The following UNC5D variants were observed in gnomAD, a reference collection of about 807,000 sequenced individuals.
UNC5D encodes netrin receptor UNC5D.
UNC5D carries 39 observed loss-of-function variants against 105.4 expected under a neutral mutation model. That is an observed-to-expected ratio of 0.37 (90% CI 0.29 to 0.48). UNC5D has a LOEUF of 0.48. UNC5D is among the 20% of genes least tolerant of loss of function. UNC5D has a pLI of 0.98. For synonymous variants in UNC5D, 452 were observed against 450.4 expected, an observed-to-expected ratio of 1.00 and a Z score of -0.04; for missense variants, 991 against 1,202.4, an observed-to-expected ratio of 0.82 and a Z score of 2.60.
chr8:35,407,507 TTGTATGTATGTATGTATGTATGTATGTA>T (rs59074158), intron 1 of UNC5D, among the ~76,000 whole-genome samples: 9 of 150,802 alleles, frequency 6.0e-5, no homozygotes, highest in African/African-American at 2.2e-4. Context: ...AGGTTTTCAT[TTGTATGTATGTATGTATGTATGTATGTA>T]TGTATGTATG....
chr8:35,394,761 A>C (rs1803995357), intron 1 of UNC5D, among the ~76,000 whole-genome samples: 1 of 152,190 alleles, frequency 6.6e-6, no homozygotes. Flanking sequence ...CTTAAGGAAA[A>C]AGGAGAAGAG....
At chr8:35,416,273 G>T (rs1326108261) in intron 1 of UNC5D, among the ~76,000 whole-genome samples, 1 of 151,994 alleles carries the variant, frequency 6.6e-6, no homozygotes, top group Non-Finnish European at 1.5e-5. Context: ...TTGATTGATT[G>T]CTAACTAGAA....
chr8:35,620,816 C>T (rs1821318056), intron 4 of UNC5D, among the ~76,000 whole-genome samples: 1 of 152,150 alleles, frequency 6.6e-6, no homozygotes, highest in South Asian at 2.1e-4. Flanking sequence ...ATTGTGGATT[C>T]CTAAGGCAAT....
At chr8:35,338,402 G>T (rs570245447) in intron 1 of UNC5D, among the ~76,000 whole-genome samples, 1 of 151,732 alleles carries the variant, frequency 6.6e-6, no homozygotes, top group South Asian at 2.1e-4. Flanking sequence ...GTTTTTCTGG[G>T]GTGTGTGTGT....
chr8:35,465,644 C>T (rs1317170978), intron 1 of UNC5D, among the ~76,000 whole-genome samples: 1 of 152,144 alleles, frequency 6.6e-6, no homozygotes, highest in Non-Finnish European at 1.5e-5. Context: ...TTAATATTGT[C>T]TTCTTCCACT....
chr8:35,388,770 T>A (rs1467951389), intron 1 of UNC5D, among the ~76,000 whole-genome samples: 1 of 152,246 alleles, frequency 6.6e-6, no homozygotes, highest in Admixed American at 6.5e-5. Flanking sequence ...GTCATTTTCC[T>A]AAATAGTTGT....
chr8:35,687,592 T>G (rs1826100829), intron 7 of UNC5D, among the ~76,000 whole-genome samples: 2 of 152,134 alleles, frequency 1.3e-5, no homozygotes, highest in South Asian at 4.1e-4. Context: ...GATTACATTA[T>G]TACCATCACC....
intron 1 of UNC5D, among the ~76,000 whole-genome samples, chr8:35,413,953 T>C (rs1805369406): frequency 6.6e-6 from 1 of 152,068 alleles, no homozygotes; most frequent in African/African-American, 2.4e-5. Context: ...CTTGAGGGCT[T>C]TTAAAAAAGA....
intron 1 of UNC5D, among the ~76,000 whole-genome samples, chr8:35,441,482 G>A (rs1807394983): frequency 6.6e-6 from 1 of 151,766 alleles, no homozygotes; most frequent in South Asian, 2.1e-4. Context: ...GCCTTGGAAT[G>A]TACCCCCTGT....
intron 1 of UNC5D, among the ~76,000 whole-genome samples, chr8:35,361,989 G>T (rs28428555): frequency 1.3e-4 from 19 of 151,966 alleles, no homozygotes; most frequent in Non-Finnish European, 1.5e-5. Context: ...TAAACCTTAC[G>T]CAATTAGTGG....
In UNC5D at chr8:35,386,449, G is replaced by A. The variant is rs148244407; in HGVS notation, c.103+150562G>A. Among the ~76,000 whole-genome samples the A allele has an allele frequency of 5.3e-3, 802 of 152,184 alleles. 8 individuals carry two copies. The highest frequency in any genetic ancestry group is 7.3e-3 in the Non-Finnish European group (499 of 68,004). On this transcript the variant is annotated intron_variant, in intron 1 of 16. Transcript: ENST00000404895. ...TGTTTTTTTAACTGGAAGATTCAGT[G>A]ATTTCTTCTGTTAATTGTTTTTTAC...
chr8:35,750,090 T>TATAACCA (rs1830197718), intron 12 of UNC5D, among the ~76,000 whole-genome samples: 1 of 152,146 alleles, frequency 6.6e-6, no homozygotes, highest in Non-Finnish European at 1.5e-5. Context: ...TTTTTGTTAT[T>TATAACCA]ATAACCAATG....
At chr8:35,406,621 G>A (rs1033460324) in intron 1 of UNC5D, among the ~76,000 whole-genome samples, 6 of 152,160 alleles carry the variant, frequency 3.9e-5, no homozygotes, top group Non-Finnish European at 5.9e-5. Flanking sequence ...CGGACTGAGT[G>A]AAGTGTGGGA....
chr8:35,428,180 T>C (rs1293179058), intron 1 of UNC5D, among the ~76,000 whole-genome samples: 1 of 151,892 alleles, frequency 6.6e-6, no homozygotes, highest in Non-Finnish European at 1.5e-5. Context: ...TGTTTTTAAC[T>C]CTACTTCCTC....
At chr8:35,543,098 T>G (rs760691115) in intron 1 of UNC5D, among the ~76,000 whole-genome samples, 1 of 152,218 alleles carries the variant, frequency 6.6e-6, no homozygotes, top group Non-Finnish European at 1.5e-5. Flanking sequence ...ACAGACCTTG[T>G]CAGGTTATTT....
At chr8:35,675,261 G>A (rs948738287) in intron 4 of UNC5D, among the ~76,000 whole-genome samples, 16 of 152,150 alleles carry the variant, frequency 1.1e-4, no homozygotes, top group Middle Eastern at 3.4e-3. Flanking sequence ...ACCTCTATCC[G>A]TAAAATACAG....
chr8:35,789,137 C>CTATATATATATA lies in UNC5D; in HGVS notation c.2658-1182_2658-1171dup, dbSNP rs58201859. Among the ~76,000 whole-genome samples, 16 of 32,460 alleles carry CTATATATATATA rather than the reference C, an allele frequency of 4.9e-4. 1 individual carries two copies. The highest frequency in any genetic ancestry group is 9.7e-4 in the Non-Finnish European group (11 of 11,342). The allele number at this position is 32,460 out of a possible 152,430, so 21.3% of individuals were successfully genotyped here. A position where few individuals can be genotyped will look rare whatever the true frequency, so the allele number is the denominator to read the frequency against. Reference sequence around the variant, plus strand: ...AAATAAGACTGAGTGGGAGAAAAGACTATATATATATATATATATATATAT... The same window carrying CTATATATATATA: ...AAATAAGACTGAGTGGGAGAAAAGACTATATATATATATATATATATATATATATATATATAT... On this transcript the variant is annotated intron_variant, in intron 16 of 16. Transcript: ENST00000404895.
intron 1 of UNC5D, among the ~76,000 whole-genome samples, chr8:35,471,884 C>T (rs890295322): frequency 2.0e-5 from 3 of 152,096 alleles, no homozygotes; most frequent in South Asian, 4.1e-4. Context: ...TATATTGATG[C>T]CTTATTGTGG....
At chr8:35,455,120 G>A (rs911125833) in intron 1 of UNC5D, among the ~76,000 whole-genome samples, 52 of 151,976 alleles carry the variant, frequency 3.4e-4, no homozygotes, top group African/African-American at 1.0e-3. Flanking sequence ...AGAAGATATC[G>A]TGTCATCCAT....
Sources: allele counts gnomAD v4.1 joint callset (sites outside exome capture counted in the v4.1 genomes callset), GRCh38; gene constraint gnomAD v4.1.1; transcripts MANE v1.5; gene names NCBI Gene and HGNC (gene_info 2026-07-23, HGNC 2026-07-21).